The following ABI2 variants were observed in gnomAD, a reference collection of about 807,000 sequenced individuals.
The protein encoded by ABI2 is abelson interactor 2.
Under a neutral mutation model 59.2 loss-of-function variants are expected in ABI2, and 25 were observed. That is an observed-to-expected ratio of 0.42 (90% CI 0.31 to 0.59). The LOEUF (loss-of-function observed/expected upper bound fraction) is 0.59, where lower values mean the gene tolerates loss of function less well. Ranked by LOEUF, ABI2 falls within the 20% of genes least tolerant of loss-of-function variation. The pLI is 0.14. For synonymous variants in ABI2, 213 were observed against 235.5 expected, an observed-to-expected ratio of 0.90 and a Z score of 0.87; for missense variants, 545 against 681.8, an observed-to-expected ratio of 0.80 and a Z score of 2.23.
At chr2:203,364,374 G>T (rs1364476565) in intron 1 of ABI2, among the ~76,000 whole-genome samples, 2 of 152,058 alleles carry the variant, frequency 1.3e-5, no homozygotes, top group Non-Finnish European at 2.9e-5. Context: ...GATTACAGGC[G>T]TGAGCCACTG....
intron 8 of ABI2, among the ~76,000 whole-genome samples, chr2:203,398,021 C>A (rs1316228637): frequency 6.6e-6 from 1 of 152,218 alleles, no homozygotes; most frequent in African/African-American, 2.4e-5. Flanking sequence ...AGATTCAAAG[C>A]ATATCAATCA....
chr2:203,373,282 G>A (rs879348217), intron 2 of ABI2, among the ~76,000 whole-genome samples: 47 of 152,266 alleles, frequency 3.1e-4, no homozygotes, highest in East Asian at 5.8e-4. Flanking sequence ...CCAACACAGC[G>A]AAACCCCGTC....
At chr2:203,351,231 G>T (rs2088138146) in intron 1 of ABI2, among the ~76,000 whole-genome samples, 1 of 152,154 alleles carries the variant, frequency 6.6e-6, no homozygotes, top group South Asian at 2.1e-4. Flanking sequence ...GTACTTCAGT[G>T]TTTTTATTAC....
intron 1 of ABI2, among the ~76,000 whole-genome samples, chr2:203,345,299 A>G (rs1012754114): frequency 6.6e-6 from 1 of 152,198 alleles, no homozygotes; most frequent in Non-Finnish European, 1.5e-5. Flanking sequence ...CCTGAAGTCA[A>G]GCGAAACCAG....
At chr2:203,409,134 G>T (rs2097555649) in intron 9 of ABI2, among the ~76,000 whole-genome samples, 2 of 151,992 alleles carry the variant, frequency 1.3e-5, no homozygotes, top group African/African-American at 4.8e-5. Context: ...CACCGCGCCC[G>T]GCCCAACTAC....
At chr2:203,398,911 A>G (rs1029993994) in intron 8 of ABI2, among the ~76,000 whole-genome samples, 16 of 152,046 alleles carry the variant, frequency 1.1e-4, no homozygotes, top group Non-Finnish European at 1.8e-4. Context: ...GTAGTGTTGT[A>G]TTGTATGGGG....
intron 6 of ABI2, among the ~76,000 whole-genome samples, chr2:203,395,251 GT>G (rs958983446): frequency 3.3e-5 from 5 of 151,768 alleles, no homozygotes; most frequent in African/African-American, 9.7e-5. Flanking sequence ...AAATGTTTTT[GT>G]TTTATTATAA....
chr2:203,387,647 T>TA (rs1215338886), intron 4 of ABI2, among the ~76,000 whole-genome samples: 3 of 152,184 alleles, frequency 2.0e-5, no homozygotes, highest in African/African-American at 7.2e-5. Flanking sequence ...TTTTATGGAA[T>TA]AAAAAAATAC....
intron 10 of ABI2, among the ~76,000 whole-genome samples, chr2:203,415,616 CAAAAAAAAAAAA>C (rs71007515): frequency 4.7e-5 from 2 of 42,340 alleles, no homozygotes; most frequent in East Asian, 1.4e-3. Context: ...GACTCCGTCT[CAAAAAAAAAAAA>C]AAAAAAAAAA....
At chr2:203,375,694 TGATA>T (rs1252726643) in intron 2 of ABI2, among the ~76,000 whole-genome samples, 21 of 152,354 alleles carry the variant, frequency 1.4e-4, no homozygotes, top group African/African-American at 4.8e-4. Flanking sequence ...TAAAGCTGCA[TGATA>T]GATGTGAGGA....
At chr2:203,408,820 T>C (rs2097536141) in intron 9 of ABI2, among the ~76,000 whole-genome samples, 1 of 123,096 alleles carries the variant, frequency 8.1e-6, no homozygotes, top group Non-Finnish European at 1.8e-5. Flanking sequence ...TTGTCTATGC[T>C]ACCTTCTCCT....
In ABI2 at chr2:203,430,387, TG is replaced by T. The variant is rs2098473377; in HGVS notation, c.*3036del. 1 of 152,178 alleles carries T rather than the reference TG, an allele frequency of 6.6e-6. No individual in the cohort carries two copies. Among genetic ancestry groups the T allele is most frequent in the East Asian group, 1.9e-4 (1 of 5,200 alleles). 9.4% of individuals were successfully genotyped at this position (152,178 alleles called of 1,614,324 possible). ...GAGGGGATTCTTCCCTCCTGAAGTT[TG>T]TGTGTCCAGTCCCCTTAAAAAAAAT... On this transcript the variant is annotated 3_prime_UTR_variant, in exon 12 of 12. Transcript: ENST00000261018.
At chr2:203,410,792 C>T (rs2153505921) in intron 9 of ABI2, among the ~76,000 whole-genome samples, 1 of 152,044 alleles carries the variant, frequency 6.6e-6, no homozygotes, top group African/African-American at 2.4e-5. Context: ...TAAAAGTATC[C>T]ATTTAGAGTG....
intron 11 of ABI2, among the ~76,000 whole-genome samples, chr2:203,421,576 T>C (rs575523843): frequency 6.6e-6 from 1 of 152,080 alleles, no homozygotes; most frequent in Non-Finnish European, 1.5e-5. Flanking sequence ...TTTTTTTAAG[T>C]AGAAGGACAA....
chr2:203,367,115 T>C, intron 2 of ABI2, 71 bp downstream of exon 2: 1 of 1,449,152 alleles, frequency 6.9e-7, no homozygotes, highest in Non-Finnish European at 9.2e-7. Flanking sequence ...TCTGTAATGC[T>C]GGCAGCTTTT....
intron 10 of ABI2, among the ~76,000 whole-genome samples, chr2:203,412,753 C>G (rs1202265738): frequency 6.6e-6 from 1 of 152,164 alleles, no homozygotes; most frequent in Non-Finnish European, 1.5e-5. Flanking sequence ...CCAAGCACAT[C>G]CATAGTGTGA....
At chr2:203,401,195 G>GT (rs1170867002) in intron 8 of ABI2, among the ~76,000 whole-genome samples, 48 of 148,768 alleles carry the variant, frequency 3.2e-4, no homozygotes, top group East Asian at 1.8e-3. Context: ...TAGCAAAAGT[G>GT]TTTTTTTTTT....
In ABI2 at chr2:203,367,022, C is replaced by A. The variant is rs1453308291; in HGVS notation, c.263C>A (p.Ser88Tyr). Residue 88 changes from serine (S) to tyrosine (Y), a missense_variant, in exon 2 of 12, where the codon TCT (serine) becomes TAT (tyrosine). By Grantham distance (144) the Ser-to-Tyr change is moderately radical. Coordinates refer to ENST00000261018, the MANE Select transcript of ABI2 (RefSeq NM_001375670.1). ...IQASQLRRME[S>Y]SINHISQTVD... Reference sequence around the variant, plus strand: ...GCATCCCAGCTACGAAGGATGGAATCTTCAATCAATCATATTTCACAAGTG... The same window carrying A: ...GCATCCCAGCTACGAAGGATGGAATATTCAATCAATCATATTTCACAAGTG... The A allele has an allele frequency of 6.2e-7, 1 of 1,613,496 alleles. No individual in the cohort carries two copies. Among genetic ancestry groups the A allele is most frequent in the East Asian group, 2.2e-5 (1 of 44,886 alleles).
At chr2:203,410,093 A>G (rs1559361636) in intron 9 of ABI2, among the ~76,000 whole-genome samples, 1 of 152,044 alleles carries the variant, frequency 6.6e-6, no homozygotes, top group East Asian at 1.9e-4. Context: ...TCTCAACTTG[A>G]TTATCTTTCT....
Sources: allele counts gnomAD v4.1 joint callset (sites outside exome capture counted in the v4.1 genomes callset), GRCh38; gene constraint gnomAD v4.1.1; transcripts MANE v1.5; gene names NCBI Gene and HGNC (gene_info 2026-07-23, HGNC 2026-07-21).